The following MACF1 variants were observed in gnomAD, a reference collection of about 807,000 sequenced individuals.
The protein encoded by MACF1 is microtubule actin crosslinking factor 1.
MACF1 carries 193 observed loss-of-function variants against 854.8 expected under a neutral mutation model. The observed-to-expected ratio is 0.23, with a 90% confidence interval of 0.20 to 0.25. The LOEUF is 0.25. Among genes scored for constraint, MACF1 ranks in the 10% least tolerant of loss-of-function variants. MACF1 has a pLI of 1.00. For missense variants in MACF1, 7,722 were observed against 8,929.1 expected, an observed-to-expected ratio of 0.86 and a Z score of 5.45; for synonymous variants, 3,185 against 3,226.7, an observed-to-expected ratio of 0.99 and a Z score of 0.44.
In MACF1 at chr1:39,310,987, T is replaced by C; in HGVS notation, c.3257T>C (p.Ile1086Thr). The C allele has an allele frequency of 6.2e-7, 1 of 1,612,934 alleles. No individual in the cohort carries two copies. The highest frequency in any genetic ancestry group is 8.5e-7 in the Non-Finnish European group (1 of 1,179,614). ...RDAWQDNALR[I>T]AEQEHTQEDL... ...GCCTGGCAGGACAATGCATTAAGGATTGCAGAGCAAGAGGTAAGCCCTAAG... is the reference window on the plus strand; with the variant it reads ...GCCTGGCAGGACAATGCATTAAGGACTGCAGAGCAAGAGGTAAGCCCTAAG... Residue 1086 changes from isoleucine to threonine, a missense_variant, in exon 26 of 101, where the codon ATT becomes ACT. Around this residue, in one of 15 missense-constraint regions of MACF1, gnomAD observed 1,137 missense variants for 1,263.0 expected, o/e 0.90. Coordinates refer to ENST00000564288, the MANE Select transcript of MACF1 (RefSeq NM_001394062.1).
At chr1:39,169,773 C>CT (rs11335031) in intron 2 of MACF1, among the ~76,000 whole-genome samples, 3,055 of 97,484 alleles carry the variant, frequency 0.031, 81 homozygotes, top group South Asian at 0.11. Context: ...TTCTTTCTTT[C>CT]TTTTTTTTTT....
chr1:39,215,777 C>T (rs1168198581), intron 1 of MACF1, among the ~76,000 whole-genome samples: 2 of 143,558 alleles, frequency 1.4e-5, no homozygotes. Flanking sequence ...TGGTTGGTTA[C>T]GGAGTCCACC....
At chr1:39,250,525 A>T (rs1042375752) in intron 3 of MACF1, among the ~76,000 whole-genome samples, 1 of 152,150 alleles carries the variant, frequency 6.6e-6, no homozygotes, top group Admixed American at 6.5e-5. Flanking sequence ...AATTTTATGT[A>T]TTCAGCTAAA....
chr1:39,410,041 T>C (rs1048903099), intron 58 of MACF1: 6 of 436,174 alleles, frequency 1.4e-5, no homozygotes, highest in African/African-American at 1.2e-4. Context: ...TTATATCGTC[T>C]GTCAACCATG....
chr1:39,405,697 A>G (rs1006899793), intron 58 of MACF1, among the ~76,000 whole-genome samples: 1 of 152,222 alleles, frequency 6.6e-6, no homozygotes, highest in Non-Finnish European at 1.5e-5. Context: ...TGTACTTGGG[A>G]ATTTCAAAAT....
chr1:39,288,880 A>C (rs1254005650), intron 15 of MACF1, among the ~76,000 whole-genome samples: 1 of 152,190 alleles, frequency 6.6e-6, no homozygotes, highest in Non-Finnish European at 1.5e-5. Context: ...GGTATTATTC[A>C]TTCTTTATTT....
At chr1:39,176,253 G>C (rs1644026694) in intron 2 of MACF1, among the ~76,000 whole-genome samples, 1 of 147,238 alleles carries the variant, frequency 6.8e-6, no homozygotes, top group Non-Finnish European at 1.5e-5. Flanking sequence ...ACTCCAGTCT[G>C]AGTGGCAGAG....
chr1:39,182,982 C>G (rs1165152797), intron 2 of MACF1, among the ~76,000 whole-genome samples: 2 of 152,262 alleles, frequency 1.3e-5, no homozygotes, highest in East Asian at 3.9e-4. Context: ...AATGGATAAA[C>G]ACACTGTGGC....
Position 39,459,155 on chromosome 1 carries a change from G to A in MACF1, c.21266G>A (p.Arg7089Gln), listed in dbSNP as rs758006304. ...TCACAGTCTGAAGCAAAAAACCCAC[G>A]GATCAACCAGCTTTCTGCCCGCTGG... ...ILSQSEAKNP[R>Q]INQLSARWQQ... Residue 7089 changes from arginine to glutamine, a missense_variant, in exon 91 of 101, where the codon CGG (arginine) becomes CAG (glutamine). Arg to Gln is a conservative substitution (Grantham distance 43, BLOSUM62 1). This residue lies in a region of MACF1 where 729 missense variants were observed against 900.5 expected (regional missense o/e 0.81). Transcript: ENST00000564288. The A allele has an allele frequency of 8.7e-6, 14 of 1,613,934 alleles. No individual in the cohort carries two copies. The highest frequency in any genetic ancestry group is 1.3e-5 in the African/African-American group (1 of 74,882).
intron 71 of MACF1, 67 bp downstream of exon 71, chr1:39,438,075 CATCCCA>C: frequency 7.2e-7 from 1 of 1,386,062 alleles, no homozygotes; most frequent in Non-Finnish European, 1.0e-6. Flanking sequence ...TTATCTTCAG[CATCCCA>C]CCAGATTTAT....
At chr1:39,259,604 T>C (rs540379893) in intron 6 of MACF1, among the ~76,000 whole-genome samples, 29 of 151,898 alleles carry the variant, frequency 1.9e-4, no homozygotes, top group African/African-American at 7.0e-4. Flanking sequence ...TTTTCTTTTT[T>C]CTTTTTCTTT....
intron 56 of MACF1, among the ~76,000 whole-genome samples, chr1:39,382,750 T>C (rs74513310): frequency 0.02 from 3,035 of 152,192 alleles, 111 homozygotes; most frequent in African/African-American, 0.07. Context: ...TAATATCTTA[T>C]ATCTGCCGGC....
At chr1:39,394,555 A>G (rs1419326440) in intron 58 of MACF1, among the ~76,000 whole-genome samples, 1 of 152,108 alleles carries the variant, frequency 6.6e-6, no homozygotes, top group Non-Finnish European at 1.5e-5. Context: ...CCTGGGAGGC[A>G]GAAGTTGCAG....
intron 2 of MACF1, among the ~76,000 whole-genome samples, chr1:39,094,920 C>T (rs1361413278): frequency 6.6e-6 from 1 of 151,816 alleles, no homozygotes; most frequent in Non-Finnish European, 1.5e-5. Context: ...CCACAAAACA[C>T]ACAGAGGATA....
chr1:39,422,938 G>T, intron 60 of MACF1, 38 bp downstream of exon 60: 1 of 1,570,546 alleles, frequency 6.4e-7, no homozygotes, highest in Non-Finnish European at 8.7e-7. Context: ...TGTAACAGCC[G>T]TAGGGAGTAG....
intron 5 of MACF1, among the ~76,000 whole-genome samples, chr1:39,255,153 C>T (rs1253632517): frequency 6.6e-6 from 1 of 152,218 alleles, no homozygotes; most frequent in African/African-American, 2.4e-5. Context: ...GGCCTTCTGA[C>T]ATGCAGTTTA....
At chr1:39,319,003 T>G (rs1040604226) in intron 30 of MACF1, among the ~76,000 whole-genome samples, 4 of 152,124 alleles carry the variant, frequency 2.6e-5, no homozygotes, top group Non-Finnish European at 4.4e-5. Flanking sequence ...GCATTTTTTT[T>G]TTGTTGGTAT....
rs755664674 is a variant in MACF1 at position 39,361,353 on chromosome 1, A to C, written c.12454-7A>C. 165 of 1,610,528 alleles carry C rather than the reference A, an allele frequency of 1.0e-4. No individual in the cohort carries two copies. The highest frequency in any genetic ancestry group is 1.7e-4 in the Admixed American group (10 of 59,926). ...CCAGGAGCTGACAGACGTGTTCTTC[A>C]TGACAGAAATTGAAGCAGGACATTG... On this transcript the variant is annotated splice_region_variant and splice_polypyrimidine_tract_variant and intron_variant, in intron 48 of 100. Coordinates refer to ENST00000564288, the MANE Select transcript of MACF1 (RefSeq NM_001394062.1).
In MACF1 at chr1:39,461,942, G is replaced by A; in HGVS notation, c.21583G>A (p.Asp7195Asn). The stretch of plus-strand genomic sequence containing the variant: ...GGCTGACATTTTCGACCGAGATGGG[G>A]ATGGTTACATTGATTATTATGAATT... ...AVADIFDRDG[D>N]GYIDYYEFVA... is the part of the protein sequence containing the mutation. Residue 7195 changes from aspartate (D) to asparagine (N), a missense_variant, in exon 93 of 101, where the codon GAT (aspartate) becomes AAT (asparagine). Transcript: ENST00000564288. 6.2e-7 allele frequency: 1 copy of A among 1,614,084 alleles called. No homozygotes were observed. The highest frequency in any genetic ancestry group is 1.3e-5 in the African/African-American group (1 of 75,022).
Sources: allele counts gnomAD v4.1 joint callset (sites outside exome capture counted in the v4.1 genomes callset), GRCh38; gene constraint gnomAD v4.1.1; regional missense constraint gnomAD v4.1.1; transcripts MANE v1.5; gene names NCBI Gene and HGNC (gene_info 2026-07-23, HGNC 2026-07-21).